ABHD17B: variants seen among roughly 807,000 people sequenced by gnomAD.
ABHD17B encodes the protein alpha/beta hydrolase domain-containing protein 17B.
In ABHD17B, 9 loss-of-function variants were observed where a neutral mutation model predicts 26.2. The observed-to-expected ratio is 0.34, with a 90% CI of 0.21 to 0.60. The LOEUF (loss-of-function observed/expected upper bound fraction) is 0.60. Among genes scored for constraint, ABHD17B ranks in the 20% least tolerant of loss-of-function variants. ABHD17B has a pLI of 0.80. For synonymous variants in ABHD17B, 127 were observed against 122.3 expected, an observed-to-expected ratio of 1.04 and a Z score of -0.25; for missense variants, 224 against 352.1, an observed-to-expected ratio of 0.64 and a Z score of 2.91.
At chr9:71,892,541 A>C (rs755794171) in intron 1 of ABHD17B, among the ~76,000 whole-genome samples, 1 of 151,970 alleles carries the variant, frequency 6.6e-6, no homozygotes, top group Non-Finnish European at 1.5e-5. Context: ...TCAAAAAAAA[A>C]CAAAAACAAA....
intron 1 of ABHD17B, among the ~76,000 whole-genome samples, chr9:71,901,343 T>C (rs1827135865): frequency 6.6e-6 from 1 of 151,924 alleles, no homozygotes; most frequent in African/African-American, 2.4e-5. Flanking sequence ...TATCATCAAC[T>C]TGTAGGATCA....
chr9:71,887,921 C>G (rs971164849), intron 1 of ABHD17B, among the ~76,000 whole-genome samples: 2 of 152,168 alleles, frequency 1.3e-5, no homozygotes, highest in African/African-American at 4.8e-5. Flanking sequence ...TAAAAATGAG[C>G]AGTGCAACTC....
Position 71,866,683 on chromosome 9 carries a change from G to A in ABHD17B, c.*104C>T. 1.3e-6 allele frequency: 2 copies of A among 1,494,574 alleles called. No homozygotes were observed. Among genetic ancestry groups the A allele is most frequent in the Non-Finnish European group, 1.8e-6 (2 of 1,124,850 alleles). 92.6% of individuals were successfully genotyped at this position (1,494,574 alleles called of 1,614,324 possible). The stretch of plus-strand genomic sequence containing the variant: ...AATCATTACCTGTACATTTATGAAG[G>A]CAACTGACATGATTTGCAAACAAAA... On this transcript the variant is annotated 3_prime_UTR_variant, in exon 4 of 4. Transcript: ENST00000333421.
chr9:71,891,767 T>C (rs7869710), intron 1 of ABHD17B, among the ~76,000 whole-genome samples: 144,654 of 152,282 alleles, frequency 0.95, 69,172 homozygotes, highest in East Asian at 1. Context: ...TCACACACAC[T>C]CATACCCTGT....
chr9:71,879,292 A>C (rs961863145), intron 1 of ABHD17B, among the ~76,000 whole-genome samples: 2 of 152,228 alleles, frequency 1.3e-5, no homozygotes, highest in Admixed American at 6.5e-5. Flanking sequence ...AGGAGGGTGA[A>C]GACAACAAAG....
chr9:71,870,628 A>G (rs1341715663), intron 2 of ABHD17B, among the ~76,000 whole-genome samples: 4 of 152,340 alleles, frequency 2.6e-5, no homozygotes, highest in African/African-American at 7.2e-5. Flanking sequence ...TGAATAGGTC[A>G]TATTTATTTT....
intron 3 of ABHD17B, 60 bp from the exon 4 acceptor site, chr9:71,867,066 C>T: frequency 6.5e-7 from 1 of 1,546,750 alleles, no homozygotes; most frequent in Non-Finnish European, 8.8e-7. Context: ...GGAACATATT[C>T]TTGTGCTATA....
Position 71,902,829 on chromosome 9 carries a change from G to C in ABHD17B, c.-4+7805C>G, listed in dbSNP as rs563937302. On this transcript the variant is annotated intron_variant, in intron 1 of 3. Transcript: ENST00000333421. ...CATTTTTGGGAAAAGTTTATTATACGAATTATTTCCATTGATTTTAATTTT... is the reference window on the plus strand; with the variant it reads ...CATTTTTGGGAAAAGTTTATTATACCAATTATTTCCATTGATTTTAATTTT... Among the ~76,000 whole-genome samples the C allele has an allele frequency of 9.9e-5, 15 of 152,156 alleles. No individual in the cohort carries two copies. The South Asian group carries it at 3.1e-3, about 32-fold the overall frequency.
chr9:71,895,232 C>A (rs1826921328), intron 1 of ABHD17B, among the ~76,000 whole-genome samples: 1 of 152,150 alleles, frequency 6.6e-6, no homozygotes, highest in African/African-American at 2.4e-5. Flanking sequence ...CTCCTCCCAC[C>A]CCATTTACAG....
intron 2 of ABHD17B, among the ~76,000 whole-genome samples, chr9:71,873,533 G>A (rs900020415): frequency 1.8e-4 from 28 of 151,850 alleles, no homozygotes; most frequent in Non-Finnish European, 3.4e-4. Context: ...GAATACCTGG[G>A]ATTACAGGCA....
chr9:71,867,770 G>A (rs1226803773), intron 3 of ABHD17B, among the ~76,000 whole-genome samples: 1 of 152,076 alleles, frequency 6.6e-6, no homozygotes, highest in African/African-American at 2.4e-5. Flanking sequence ...TGAACTAGAA[G>A]ACTGCCAGAG....
At chr9:71,906,006 G>GCTA (rs1398062959) in intron 1 of ABHD17B, among the ~76,000 whole-genome samples, 1 of 152,072 alleles carries the variant, frequency 6.6e-6, no homozygotes, top group Non-Finnish European at 1.5e-5. Context: ...CAGTGATCAT[G>GCTA]CTACTACACT....
intron 1 of ABHD17B, among the ~76,000 whole-genome samples, chr9:71,878,646 A>C (rs979086894): frequency 4.6e-4 from 70 of 152,174 alleles, no homozygotes; most frequent in Non-Finnish European, 1.0e-4. Flanking sequence ...TTTTAATATA[A>C]GGATAAAGGT....
intron 1 of ABHD17B, among the ~76,000 whole-genome samples, chr9:71,901,807 T>G (rs1284788271): frequency 1.3e-5 from 2 of 152,184 alleles, no homozygotes; most frequent in Admixed American, 6.5e-5. Context: ...ATGAATGTTA[T>G]AAAATCACTC....
chr9:71,875,541 G>C (rs1170057754), intron 1 of ABHD17B, among the ~76,000 whole-genome samples: 1 of 152,078 alleles, frequency 6.6e-6, no homozygotes, highest in Non-Finnish European at 1.5e-5. Context: ...CTTCTTTCTA[G>C]AAGTACTTTA....
intron 1 of ABHD17B, among the ~76,000 whole-genome samples, chr9:71,887,158 A>G (rs1826635760): frequency 1.3e-5 from 2 of 152,142 alleles, no homozygotes; most frequent in South Asian, 4.1e-4. Context: ...CAATGTGCAA[A>G]TAAGAGTCCT....
intron 1 of ABHD17B, among the ~76,000 whole-genome samples, chr9:71,905,702 G>T (rs990458663): frequency 6.6e-6 from 1 of 152,184 alleles, no homozygotes; most frequent in Non-Finnish European, 1.5e-5. Flanking sequence ...TAGAGGCCAG[G>T]AATGCCAGGC....
chr9:71,862,584 C>A (rs1436315712), downstream of ABHD17B: 1 of 1,465,510 alleles, frequency 6.8e-7, no homozygotes, highest in Non-Finnish European at 9.6e-7. Flanking sequence ...GAGAAAATCA[C>A]TTCCCTTCTT....
chr9:71,874,522 G>A lies in ABHD17B; in HGVS notation c.467+92C>T, dbSNP rs536274533. On this transcript the variant is annotated intron_variant, in intron 2 of 3. Coordinates refer to ENST00000333421, the MANE Select transcript of ABHD17B (RefSeq NM_001025780.3). The stretch of plus-strand genomic sequence containing the variant: ...AATATAACCTCTATATAGCAGTTAT[G>A]TATAATAAAAACAGCTTTTATTCTA... The A allele has an allele frequency of 1.7e-5, 17 of 986,486 alleles. No individual in the cohort carries two copies. In the African/African-American group the frequency reaches 2.1e-4, roughly 12 times the overall value. The allele number at this position is 986,486 out of a possible 1,614,324, so 61.1% of individuals were successfully genotyped here. A position where few individuals can be genotyped will look rare whatever the true frequency, so the allele number is the denominator to read the frequency against.
Sources: allele counts gnomAD v4.1 joint callset (sites outside exome capture counted in the v4.1 genomes callset), GRCh38; gene constraint gnomAD v4.1.1; transcripts MANE v1.5; gene names NCBI Gene and HGNC (gene_info 2026-07-23, HGNC 2026-07-21).